FREM1: variants seen among roughly 807,000 people sequenced by gnomAD.
The protein encoded by FREM1 is FRAS1 related extracellular matrix 1, also known as FRAS1-related extracellular matrix protein 1.
Under a neutral mutation model 210.1 loss-of-function variants are expected in FREM1, and 220 were observed. The ratio of observed to expected loss-of-function variants is 1.05; its 90% CI spans 0.94 to 1.17. The LOEUF (loss-of-function observed/expected upper bound fraction) is 1.17. FREM1 is among the 50% of genes most tolerant of loss of function. The pLI is 0.00. For missense variants in FREM1, 3,454 were observed against 2,675.5 expected, an observed-to-expected ratio of 1.29 and a Z score of -6.42; for synonymous variants, 1,189 against 980.2, an observed-to-expected ratio of 1.21 and a Z score of -3.98.
intron 10 of FREM1, among the ~76,000 whole-genome samples, chr9:14,840,684 C>T (rs1435983074): frequency 6.6e-6 from 1 of 152,210 alleles, no homozygotes; most frequent in Non-Finnish European, 1.5e-5. Context: ...GGTGGGGACA[C>T]AGCCAAACCA....
At chr9:14,788,057 C>T (rs1003798236) in intron 23 of FREM1, among the ~76,000 whole-genome samples, 1 of 151,826 alleles carries the variant, frequency 6.6e-6, no homozygotes. Context: ...TATTATTGCA[C>T]TTAAGCATTC....
intron 24 of FREM1, chr9:14,782,367 T>G: frequency 1.0e-6 from 1 of 982,586 alleles, no homozygotes; most frequent in South Asian, 4.7e-5. Context: ...TCGATTAATA[T>G]CTAACCTTCA....
At chr9:14,747,460 G>A (rs1563822006) in intron 32 of FREM1, 32 bp from the exon 33 acceptor site, 2 of 1,588,590 alleles carry the variant, frequency 1.3e-6, no homozygotes. Flanking sequence ...CAACAATAAG[G>A]AAAAAACAAA....
intron 1 of FREM1, among the ~76,000 whole-genome samples, chr9:14,880,445 A>C (rs989930912): frequency 6.6e-6 from 1 of 152,074 alleles, no homozygotes; most frequent in Non-Finnish European, 1.5e-5. Context: ...CTCTACTAAA[A>C]ATACAAAAGT....
intron 11 of FREM1, among the ~76,000 whole-genome samples, chr9:14,824,530 T>C (rs1821978582): frequency 6.6e-6 from 1 of 152,200 alleles, no homozygotes; most frequent in African/African-American, 2.4e-5. Flanking sequence ...ATAAGCATTG[T>C]CTTTCAAAAA....
At chr9:14,738,291 C>T (rs149766816) in intron 36 of FREM1, among the ~76,000 whole-genome samples, 4 of 152,172 alleles carry the variant, frequency 2.6e-5, no homozygotes, top group Admixed American at 6.5e-5. Context: ...GAGAAAGGAA[C>T]TCCCTGCCAT....
chr9:14,865,312 G>T (rs1209745617), intron 2 of FREM1, among the ~76,000 whole-genome samples: 1 of 152,204 alleles, frequency 6.6e-6, no homozygotes, highest in African/African-American at 2.4e-5. Context: ...GAAGTGCCAT[G>T]TGTGAGGGAG....
chr9:14,846,244 C>G (rs1330860053), intron 7 of FREM1, among the ~76,000 whole-genome samples, 153 bp from the exon 8 acceptor site: 1 of 152,204 alleles, frequency 6.6e-6, no homozygotes, highest in African/African-American at 2.4e-5. Context: ...TCATCCTCAG[C>G]AAACTAACAC....
At chr9:14,866,886 G>C (rs1221759518) in intron 2 of FREM1, among the ~76,000 whole-genome samples, 1 of 151,274 alleles carries the variant, frequency 6.6e-6, no homozygotes, top group Non-Finnish European at 1.5e-5. Context: ...TTCAGACAGA[G>C]TCTCACACTA....
chr9:14,878,782 T>C lies in FREM1; in HGVS notation c.-267-9538A>G, dbSNP rs1588550730. 2.0e-5 allele frequency among the ~76,000 whole-genome samples: 3 copies of C among 152,112 alleles called. No individual in the cohort carries two copies. The East Asian group carries it at 5.8e-4, about 29-fold the overall frequency. ...AATATTTGTTAACTAAGTGAATAAA[T>C]TGGAGAAAACAATGCCTTAAATTCC... On this transcript the variant is annotated intron_variant, in intron 1 of 36. Coordinates refer to ENST00000380880, the MANE Select transcript of FREM1 (RefSeq NM_001379081.2).
chr9:14,814,017 T>C (rs1285898588), intron 15 of FREM1, among the ~76,000 whole-genome samples: 1 of 152,194 alleles, frequency 6.6e-6, no homozygotes, highest in Non-Finnish European at 1.5e-5. Flanking sequence ...ACTCCAGTTT[T>C]ATCCCGACAC....
At chr9:14,886,318 G>A (rs918812563) in intron 1 of FREM1, among the ~76,000 whole-genome samples, 24 of 148,486 alleles carry the variant, frequency 1.6e-4, no homozygotes, top group Non-Finnish European at 1.2e-4. Context: ...CCCTGGAGGC[G>A]GAGGTTGCAG....
At chr9:14,900,990 A>G (rs1348437611) in intron 1 of FREM1, among the ~76,000 whole-genome samples, 5 of 152,172 alleles carry the variant, frequency 3.3e-5, no homozygotes, top group Admixed American at 2.6e-4. Context: ...AATTAACATA[A>G]AGTTTAGCTA....
chr9:14,758,775 G>A (rs1286216603), intron 28 of FREM1, among the ~76,000 whole-genome samples: 2 of 151,922 alleles, frequency 1.3e-5, no homozygotes, highest in African/African-American at 2.4e-5. Flanking sequence ...TTGTTATAAC[G>A]ACTCCTAAAA....
intron 1 of FREM1, among the ~76,000 whole-genome samples, chr9:14,904,415 C>T (rs1232514587): frequency 6.6e-6 from 1 of 152,172 alleles, no homozygotes; most frequent in African/African-American, 2.4e-5. Context: ...CTTTGATAAT[C>T]AGAGCCTGGA....
chr9:14,869,557 A>C (rs6474862), intron 1 of FREM1, among the ~76,000 whole-genome samples: 74,267 of 152,038 alleles, frequency 0.49, 19,129 homozygotes, highest in East Asian at 0.71. Flanking sequence ...GCTTTTGTTC[A>C]CTGAGTTCAT....
rs201647039 is a variant in FREM1 at position 14,775,954 on chromosome 9, T to G, written c.4692A>C (p.Gln1564His). 1 of 1,613,954 alleles carries G rather than the reference T, an allele frequency of 6.2e-7. No homozygotes were observed. The highest frequency in any genetic ancestry group is 8.5e-7 in the Non-Finnish European group (1 of 1,179,882). ...QLYLWGTGLL[Q>H]HNFTQQDVDS... is the part of the protein sequence containing the mutation. ...CCACATCCTGCTGGGTGAAATTGTG[T>G]TGAAGTAGCCCTGTCCCCCACAGGT... The change falls in exon 25 of 37, where the codon CAA (glutamine) becomes CAC (histidine). Residue 1564 changes from glutamine (Q) to histidine (H), a missense_variant. Transcript: ENST00000380880.
At position 14,846,006 on chromosome 9, in the gene FREM1, C is replaced by A. The variant is rs761196831; in HGVS notation, c.1347G>T (p.Arg449=). 3.1e-6 allele frequency: 5 copies of A among 1,612,760 alleles called. No homozygotes were observed. The highest frequency in any genetic ancestry group is 1.1e-5 in the South Asian group (1 of 90,724). The change falls in exon 8 of 37, where the codon CGG becomes CGT. Residue 449 remains arginine (R), a synonymous_variant. Coordinates refer to ENST00000380880, the MANE Select transcript of FREM1 (RefSeq NM_001379081.2). ...VVDNDDIGAV[R]LVTVGGLQHG... Reference sequence around the variant, plus strand: ...GCTGCAGGCCACCAACGGTGACTAGCCGGACAGCACCAATGTCGTCATTGT... The same window carrying A: ...GCTGCAGGCCACCAACGGTGACTAGACGGACAGCACCAATGTCGTCATTGT...
intron 1 of FREM1, among the ~76,000 whole-genome samples, chr9:14,893,171 C>T (rs1454418462): frequency 1.7e-5 from 1 of 58,938 alleles, no homozygotes; most frequent in Non-Finnish European, 2.8e-5. Flanking sequence ...TTCTCTCTTT[C>T]TCTCTCTCTC....
Sources: gnomAD v4.1 joint callset for allele counts (sites outside exome capture counted in the v4.1 genomes callset) on GRCh38, gnomAD v4.1.1 for gene constraint, MANE v1.5 for transcripts, NCBI Gene and HGNC (gene_info 2026-07-23, HGNC 2026-07-21) for gene names.